Variants in LMBR1 observed in about 807,000 individuals in gnomAD.
LMBR1 encodes limb development membrane protein 1, also known as limb region 1 protein homolog.
Under a neutral mutation model 73.9 loss-of-function variants are expected in LMBR1, and 52 were observed. The observed-to-expected ratio is 0.70, with a 90% CI of 0.56 to 0.89. The LOEUF is 0.89. Among genes scored for constraint, LMBR1 ranks in the 40% least tolerant of loss-of-function variants. The pLI is 0.00. For missense variants in LMBR1, 539 were observed against 579.8 expected (o/e 0.93, Z 0.72); for synonymous variants, 215 against 209.4 (o/e 1.03, Z -0.23).
At chr7:156,824,249 G>A (rs1475085841) in intron 4 of LMBR1, among the ~76,000 whole-genome samples, 2 of 152,106 alleles carry the variant, frequency 1.3e-5, no homozygotes, top group Non-Finnish European at 2.9e-5. Context: ...AAAAAATAAG[G>A]GAGCGGTTGG....
intron 15 of LMBR1, among the ~76,000 whole-genome samples, chr7:156,715,774 C>T (rs1357197696): frequency 6.6e-6 from 1 of 152,124 alleles, no homozygotes. Flanking sequence ...CTTCTTTTAC[C>T]TGAATATTCC....
chr7:156,889,236 C>T (rs1280555286), intron 1 of LMBR1, among the ~76,000 whole-genome samples: 2 of 152,080 alleles, frequency 1.3e-5, no homozygotes, highest in Non-Finnish European at 2.9e-5. Flanking sequence ...TGGAGAGTTA[C>T]TGTTTCATGG....
At chr7:156,832,709 T>TTCCTCTTCCCCTTTTCTTACTTCCTCA (rs1836907150) in intron 3 of LMBR1, among the ~76,000 whole-genome samples, 1 of 152,220 alleles carries the variant, frequency 6.6e-6, no homozygotes, top group Admixed American at 6.5e-5. Flanking sequence ...AATCTTTCTC[T>TTCCTCTTCCCCTTTTCTTACTTCCTCA]TCCTCTTCCC....
At chr7:156,807,693 T>TTCG (rs1252463316) in intron 4 of LMBR1, among the ~76,000 whole-genome samples, 1 of 152,214 alleles carries the variant, frequency 6.6e-6, no homozygotes, top group Non-Finnish European at 1.5e-5. Flanking sequence ...TTGGGATCTA[T>TTCG]TCGTTGACTC....
chr7:156,852,280 G>C (rs1385736102), intron 1 of LMBR1, among the ~76,000 whole-genome samples: 1 of 152,130 alleles, frequency 6.6e-6, no homozygotes, highest in Non-Finnish European at 1.5e-5. Context: ...CTCAGTGTCT[G>C]TATTGGGAAG....
intron 15 of LMBR1, among the ~76,000 whole-genome samples, chr7:156,723,737 T>C (rs1259625677): frequency 6.6e-6 from 1 of 152,116 alleles, no homozygotes. Context: ...AAATTTTCAA[T>C]TTTTTAAACC....
intron 4 of LMBR1, among the ~76,000 whole-genome samples, chr7:156,803,751 C>T (rs1831457278): frequency 1.3e-5 from 2 of 151,778 alleles, no homozygotes; most frequent in African/African-American, 4.8e-5. Flanking sequence ...CCCAAATATC[C>T]AACAATGATA....
intron 1 of LMBR1, among the ~76,000 whole-genome samples, chr7:156,881,238 G>A (rs563239899): frequency 3.2e-4 from 48 of 152,226 alleles, no homozygotes; most frequent in African/African-American, 1.0e-3. Context: ...AATACACAAC[G>A]GGGAAAGAAA....
chr7:156,686,260 C>T (rs142474145), intron 16 of LMBR1, among the ~76,000 whole-genome samples: 24 of 152,290 alleles, frequency 1.6e-4, no homozygotes, highest in African/African-American at 5.8e-4. Context: ...ACTCCAGAAA[C>T]AATCCCGTCC....
rs202182640 is a variant in LMBR1, at chr7:156,799,299, A to C, written c.320-2807T>G. ...CAGATACCGTGTGACGGTTTGTGAC[A>C]ACTCTGTGGTGAACAAGTCTATCTG... is the stretch of plus-strand genomic sequence containing the variant. On this transcript the variant is annotated intron_variant, in intron 4 of 16. Transcript: ENST00000353442. 2.6e-5 allele frequency among the ~76,000 whole-genome samples: 4 copies of C among 152,098 alleles called. No homozygotes were observed. In the East Asian group the frequency reaches 7.7e-4, roughly 29 times the overall value.
In LMBR1 at chr7:156,681,249, C is replaced by T. The variant is rs1345140140; in HGVS notation, c.*2829G>A. ...CATGGGCACCCAGCAGATGGGGAGG[C>T]CGCACTGCCGCTGAGAGCAGGTACA... is the stretch of plus-strand genomic sequence containing the variant. On this transcript the variant is annotated 3_prime_UTR_variant, in exon 17 of 17. Coordinates refer to ENST00000353442, the MANE Select transcript of LMBR1 (RefSeq NM_022458.4). 4.6e-6 allele frequency: 2 copies of T among 431,490 alleles called. No homozygotes were observed. Among genetic ancestry groups the T allele is most frequent in the Non-Finnish European group, 9.1e-6 (2 of 220,772 alleles). 26.7% of individuals were successfully genotyped at this position (431,490 alleles called of 1,614,324 possible).
rs1188330661 is a variant in LMBR1, at chr7:156,685,880, C to T, written c.1388-1717G>A. Among the ~76,000 whole-genome samples, 2 of 152,206 alleles carry T rather than the reference C, an allele frequency of 1.3e-5. No homozygotes were observed. The highest frequency in any genetic ancestry group is 2.4e-5 in the African/African-American group (1 of 41,454). ...GTAACTGACCTATTAGGCAGTTTTA[C>T]ATCACTCATAAACTAATATAGCACT... On this transcript the variant is annotated intron_variant, in intron 16 of 16. Transcript: ENST00000353442. The surrounding 1 kb of genome is among the most constrained non-coding windows in gnomAD (Gnocchi z 4.1).
At chr7:156,795,139 G>A (rs1031632842) in intron 5 of LMBR1, among the ~76,000 whole-genome samples, 4 of 152,064 alleles carry the variant, frequency 2.6e-5, no homozygotes, top group African/African-American at 9.7e-5. Context: ...CTTTGCTCAA[G>A]CCTGGAATGC....
At chr7:156,759,088 T>C (rs749726931) in intron 8 of LMBR1, among the ~76,000 whole-genome samples, 1 of 152,200 alleles carries the variant, frequency 6.6e-6, no homozygotes, top group Non-Finnish European at 1.5e-5. Context: ...AGCAGATGAA[T>C]TTAAAAAATA....
At chr7:156,731,137 T>C (rs1816760192) in intron 10 of LMBR1, among the ~76,000 whole-genome samples, 1 of 151,992 alleles carries the variant, frequency 6.6e-6, no homozygotes, top group Non-Finnish European at 1.5e-5. Flanking sequence ...AACTGAAAAA[T>C]AATGTAACTA....
At chr7:156,697,759 T>C (rs548207695) in intron 15 of LMBR1, among the ~76,000 whole-genome samples, 20 of 152,312 alleles carry the variant, frequency 1.3e-4, no homozygotes, top group Admixed American at 6.5e-4. Context: ...GGTGCACTGA[T>C]TTCATATTGT....
rs1031206410 is a variant in LMBR1 at position 156,681,731 on chromosome 7, G to A, written c.*2347C>T. 4 of 152,318 alleles carry A rather than the reference G, an allele frequency of 2.6e-5. No homozygotes were observed. The highest frequency in any genetic ancestry group is 5.9e-5 in the Non-Finnish European group (4 of 68,108). The allele number at this position is 152,318 out of a possible 1,614,324, so 9.4% of individuals were successfully genotyped here. On this transcript the variant is annotated 3_prime_UTR_variant, in exon 17 of 17. Coordinates refer to ENST00000353442, the MANE Select transcript of LMBR1 (RefSeq NM_022458.4). Reference sequence around the variant, plus strand: ...GTAGCTCCAGAATTGACCTGATGATGAGCATCTGCAGCTCTGCCTTCCAGG... The same window carrying A: ...GTAGCTCCAGAATTGACCTGATGATAAGCATCTGCAGCTCTGCCTTCCAGG...
chr7:156,707,887 G>A (rs1811292202), intron 15 of LMBR1, among the ~76,000 whole-genome samples: 1 of 152,042 alleles, frequency 6.6e-6, no homozygotes, highest in Non-Finnish European at 1.5e-5. Context: ...GTAAAGAGGA[G>A]GTTAAGTTAT....
At chr7:156,762,897 C>T (rs1158886188) in intron 7 of LMBR1, among the ~76,000 whole-genome samples, 1 of 151,212 alleles carries the variant, frequency 6.6e-6, no homozygotes, top group East Asian at 1.9e-4. Context: ...CACTCTACAA[C>T]CCAGTAGAAG....
Sources: allele counts gnomAD v4.1 joint callset (sites outside exome capture counted in the v4.1 genomes callset), GRCh38; gene constraint gnomAD v4.1.1; non-coding constraint Gnocchi (gnomAD v3.1); transcripts MANE v1.5; gene names NCBI Gene and HGNC (gene_info 2026-07-23, HGNC 2026-07-21).